PPM1A: variants seen among roughly 807,000 people sequenced by gnomAD.
The protein encoded by PPM1A is protein phosphatase, Mg2+/Mn2+ dependent 1A, also known as protein phosphatase 1A.
Under a neutral mutation model 35.0 loss-of-function variants are expected in PPM1A, and 7 were observed. The ratio of observed to expected loss-of-function variants is 0.20; its 90% confidence interval spans 0.11 to 0.38. The LOEUF (loss-of-function observed/expected upper bound fraction) is 0.38. PPM1A is among the 10% of genes least tolerant of loss of function. PPM1A has a pLI of 1.00. For missense variants in PPM1A, 239 were observed against 467.8 expected (o/e 0.51, Z 4.51); for synonymous variants, 153 against 167.3 (o/e 0.91, Z 0.66).
chr14:60,285,992 T>G, intron 3 of PPM1A: 1 of 1,123,070 alleles, frequency 8.9e-7, no homozygotes, highest in South Asian at 4.1e-5. Context: ...TTTAAAAGGC[T>G]AAAATGTTTG....
chr14:60,254,665 A>G (rs780022766), intron 1 of PPM1A, among the ~76,000 whole-genome samples: 18 of 152,192 alleles, frequency 1.2e-4, no homozygotes, highest in Non-Finnish European at 4.4e-5. Context: ...TTGTCTTGGA[A>G]TAGTGTGGGT....
At chr14:60,275,725 G>T (rs1397906783) in intron 1 of PPM1A, among the ~76,000 whole-genome samples, 4 of 151,958 alleles carry the variant, frequency 2.6e-5, no homozygotes, top group African/African-American at 9.7e-5. Flanking sequence ...TCCCACCTCA[G>T]TCTCCCAAAG....
At chr14:60,271,825 A>G (rs554531400) in intron 1 of PPM1A, among the ~76,000 whole-genome samples, 30 of 152,044 alleles carry the variant, frequency 2.0e-4, no homozygotes, top group Non-Finnish European at 4.0e-4. Context: ...ATTTTAAAGT[A>G]TTACTTTACT....
chr14:60,266,396 T>C (rs1287242814), intron 1 of PPM1A, among the ~76,000 whole-genome samples: 2 of 152,208 alleles, frequency 1.3e-5, no homozygotes, highest in Non-Finnish European at 2.9e-5. Flanking sequence ...TTCTTATTCC[T>C]TTGGAATCAG....
upstream of PPM1A, among the ~76,000 whole-genome samples, chr14:60,248,470 T>C (rs188432676): frequency 1.6e-3 from 243 of 152,328 alleles, 1 homozygote; most frequent in African/African-American, 4.7e-3. Context: ...CGTGAATCAG[T>C]TGCACTCGCA....
intron 1 of PPM1A, among the ~76,000 whole-genome samples, chr14:60,272,460 A>G (rs1344848878): frequency 6.6e-6 from 1 of 152,126 alleles, no homozygotes; most frequent in African/African-American, 2.4e-5. Context: ...TAATTTCAGC[A>G]CTTTGAGAGG....
chr14:60,249,686 G>C lies in PPM1A; in HGVS notation c.-21+9G>C, dbSNP rs1306496902. ...GCCTGCGGCTGCTCCGGGTAAGTGC[G>C]GCGCTCGGGCCGACGGCGGGCTGGC... On this transcript the variant is annotated intron_variant, in intron 1 of 5. Coordinates refer to ENST00000395076, the MANE Select transcript of PPM1A (RefSeq NM_021003.5). The surrounding 1 kb of genome is among the most constrained non-coding windows in gnomAD (Gnocchi z 4.5). The C allele has an allele frequency of 1.0e-5, 10 of 983,932 alleles. No individual in the cohort carries two copies. Among genetic ancestry groups the C allele is most frequent in the Admixed American group, 6.2e-5 (1 of 16,032 alleles). The allele number at this position is 983,932 out of a possible 1,614,324, so 61.0% of individuals were successfully genotyped here.
rs896785222 is a variant in PPM1A at position 60,292,553 on chromosome 14, T to G, written c.*71T>G. On this transcript the variant is annotated 3_prime_UTR_variant, in exon 6 of 6. Transcript: ENST00000395076. This position sits in a 1 kb window ranked among gnomAD's most constrained non-coding sequence, Gnocchi z 4.2. ...GTACAGCTCAACTTTGTTGAAACTT[T>G]TAACATCCATCCTCAACTTTAAGGA... 4 of 1,369,834 alleles carry G rather than the reference T, an allele frequency of 2.9e-6. No individual in the cohort carries two copies. The highest frequency in any genetic ancestry group is 4.1e-6 in the Non-Finnish European group (4 of 970,526). The allele number at this position is 1,369,834 out of a possible 1,614,324, so 84.9% of individuals were successfully genotyped here.
intron 1 of PPM1A, among the ~76,000 whole-genome samples, chr14:60,259,174 G>A (rs1883476197): frequency 1.3e-5 from 2 of 152,086 alleles, no homozygotes; most frequent in Admixed American, 1.3e-4. Context: ...TGAACTCAGT[G>A]AGTGACTCTA....
chr14:60,287,669 A>G, intron 3 of PPM1A: 2 of 985,328 alleles, frequency 2.0e-6, no homozygotes, highest in Non-Finnish European at 2.4e-6. Context: ...CACCATAGAA[A>G]AGGACAAAGG....
chr14:60,245,804 C>A (rs1219090286), upstream of PPM1A: 6 of 1,519,372 alleles, frequency 3.9e-6, no homozygotes, highest in Non-Finnish European at 5.3e-6. This position sits in a 1 kb window ranked among gnomAD's most constrained non-coding sequence, Gnocchi z 4.2. Flanking sequence ...AGGGGGCACA[C>A]CCTCTCCCTG....
chr14:60,260,653 A>G (rs1883645924), intron 1 of PPM1A, among the ~76,000 whole-genome samples: 1 of 152,088 alleles, frequency 6.6e-6, no homozygotes. Flanking sequence ...TCACCTCCAA[A>G]AGATACCCTG....
chr14:60,249,783 G>C lies in PPM1A; in HGVS notation c.-21+106G>C. The stretch of plus-strand genomic sequence containing the variant: ...CTGTAAACAAGCCGGGCGTCTGCCC[G>C]GGCGCTCCCGGGAGGAGACGCGACA... On this transcript the variant is annotated intron_variant, in intron 1 of 5. Coordinates refer to ENST00000395076, the MANE Select transcript of PPM1A (RefSeq NM_021003.5). This position sits in a 1 kb window ranked among gnomAD's most constrained non-coding sequence, Gnocchi z 4.5. The C allele has an allele frequency of 1.4e-6, 1 of 705,786 alleles. No homozygotes were observed. The highest frequency in any genetic ancestry group is 1.7e-6 in the Non-Finnish European group (1 of 574,538). 43.7% of individuals were successfully genotyped at this position (705,786 alleles called of 1,614,324 possible).
rs1882053736 is a variant in PPM1A, at chr14:60,249,495, CGG to C, written c.-199_-198del. 1 of 985,226 alleles carries C rather than the reference CGG, an allele frequency of 1.0e-6. No individual in the cohort carries two copies. Among genetic ancestry groups the C allele is most frequent in the African/African-American group, 1.7e-5 (1 of 57,254 alleles). 61.0% of individuals were successfully genotyped at this position (985,226 alleles called of 1,614,324 possible). A position where few individuals can be genotyped will look rare whatever the true frequency, so the allele number is the denominator to read the frequency against. On this transcript the variant is annotated 5_prime_UTR_variant, in exon 1 of 6. Transcript: ENST00000395076. This position sits in a 1 kb window ranked among gnomAD's most constrained non-coding sequence, Gnocchi z 4.5. ...TCTGAGCCGCGAGGGCGCCGACAGC[CGG>C]GGGCCCGGACGCAGCCCGGCTCCTC...
chr14:60,277,220 T>C (rs1348630942), intron 1 of PPM1A: 2 of 194,828 alleles, frequency 1.0e-5, no homozygotes, highest in African/African-American at 4.7e-5. Flanking sequence ...TCTTTATTAG[T>C]CCACTTATGG....
chr14:60,245,888 T>C (rs778281565), upstream of PPM1A: 3 of 1,591,738 alleles, frequency 1.9e-6, no homozygotes, highest in East Asian at 6.8e-5. The surrounding 1 kb of genome is among the most constrained non-coding windows in gnomAD (Gnocchi z 4.2). Flanking sequence ...GAAGCTACAA[T>C]TTGTACTAAG....
upstream of PPM1A, chr14:60,245,798 G>A (rs1331365141): frequency 4.7e-6 from 7 of 1,501,960 alleles, no homozygotes; most frequent in African/African-American, 1.4e-5. The surrounding 1 kb of genome is among the most constrained non-coding windows in gnomAD (Gnocchi z 4.2). Flanking sequence ...CAGGGTAGGG[G>A]GCACACCCTC....
In PPM1A at chr14:60,287,956, T is replaced by C. The variant is rs147127493; in HGVS notation, c.953-1850T>C. 1.6e-3 allele frequency: 1,546 copies of C among 984,824 alleles called. 25 individuals are homozygous for C. The African/African-American group carries it at 0.024, about 16-fold the overall frequency. 61.0% of individuals were successfully genotyped at this position (984,824 alleles called of 1,614,324 possible). A position where few individuals can be genotyped will look rare whatever the true frequency, so the allele number is the denominator to read the frequency against. ...TGTTTGTGTATATGTATGTGAAACATGGATCTTCTATATATAAATATTCTT... is the reference window on the plus strand; with the variant it reads ...TGTTTGTGTATATGTATGTGAAACACGGATCTTCTATATATAAATATTCTT... On this transcript the variant is annotated intron_variant, in intron 3 of 5. Transcript: ENST00000395076.
rs1157331695 is a variant in PPM1A, at chr14:60,282,233, GT to G, written c.-20-448del. Among the ~76,000 whole-genome samples, 1 of 151,736 alleles carries G rather than the reference GT, an allele frequency of 6.6e-6. No homozygotes were observed. The highest frequency in any genetic ancestry group is 1.5e-5 in the Non-Finnish European group (1 of 68,010). On this transcript the variant is annotated intron_variant, in intron 1 of 5. Coordinates refer to ENST00000395076, the MANE Select transcript of PPM1A (RefSeq NM_021003.5). The surrounding 1 kb of genome is among the most constrained non-coding windows in gnomAD (Gnocchi z 5.1). The stretch of plus-strand genomic sequence containing the variant: ...CATGCAGTGGGAATAAAACTAGGGA[GT>G]TTGGAATCAAGCTTGAAAATTCCTG...
Sources: gnomAD v4.1 joint callset for allele counts (sites outside exome capture counted in the v4.1 genomes callset) on GRCh38, gnomAD v4.1.1 for gene constraint, Gnocchi (gnomAD v3.1) non-coding constraint, MANE v1.5 for transcripts, NCBI Gene and HGNC (gene_info 2026-07-23, HGNC 2026-07-21) for gene names.